The following CASK variants were observed in gnomAD, a reference collection of about 807,000 sequenced individuals.
The protein encoded by CASK is calcium/calmodulin dependent serine protein kinase.
In CASK, 4 loss-of-function variants were observed where a neutral mutation model predicts 82.9. The observed-to-expected ratio is 0.05, with a 90% confidence interval of 0.02 to 0.11. The LOEUF is 0.11. Among genes scored for constraint, CASK ranks in the 10% least tolerant of loss-of-function variants. CASK has a pLI of 1.00. For missense variants in CASK, 358 were observed against 720.9 expected (o/e 0.50, Z 5.76); for synonymous variants, 259 against 253.5 (o/e 1.02, Z -0.20).
chrX:41,738,165 G>A (rs1035583495), intron 5 of CASK, among the ~76,000 whole-genome samples: 1 of 112,368 alleles, frequency 8.9e-6, no homozygotes, highest in Admixed American at 9.4e-5. Flanking sequence ...AGTAGAGATG[G>A]GGTTTCACCA....
At chrX:41,746,118 T>C (rs1237945020) in intron 3 of CASK, among the ~76,000 whole-genome samples, 2 of 111,860 alleles carry the variant, frequency 1.8e-5, no homozygotes, top group African/African-American at 6.5e-5. Context: ...GCTACAAACA[T>C]ATTGTAACAC....
intron 2 of CASK, among the ~76,000 whole-genome samples, chrX:41,811,061 G>A (rs1271412244): frequency 9.0e-6 from 1 of 111,525 alleles, no homozygotes; most frequent in African/African-American, 3.3e-5. Flanking sequence ...ACCCAATACA[G>A]GAGCACCCAG....
chrX:41,650,458 GT>G (rs559252609), intron 8 of CASK, among the ~76,000 whole-genome samples: 1 of 102,627 alleles, frequency 9.7e-6, no homozygotes, highest in Admixed American at 1.0e-4. Context: ...GTTTTTTTTT[GT>G]TTTTTTTTGT....
intron 5 of CASK, among the ~76,000 whole-genome samples, chrX:41,713,969 G>C (rs1010231132): frequency 1.8e-5 from 2 of 111,596 alleles, no homozygotes; most frequent in African/African-American, 6.5e-5. Flanking sequence ...GAGAGGAAGA[G>C]ATTACAATGA....
chrX:41,717,521 T>C (rs2068083268), intron 5 of CASK, among the ~76,000 whole-genome samples: 1 of 111,879 alleles, frequency 8.9e-6, no homozygotes, highest in South Asian at 3.7e-4. Context: ...AAATGGGTTA[T>C]GAAATGAAAG....
At chrX:41,800,829 T>C (rs906314672) in intron 2 of CASK, among the ~76,000 whole-genome samples, 2 of 111,585 alleles carry the variant, frequency 1.8e-5, no homozygotes, top group African/African-American at 3.3e-5. Flanking sequence ...CCAATTTTAA[T>C]TGGATCAGAC....
intron 5 of CASK, among the ~76,000 whole-genome samples, chrX:41,682,055 T>TAAAAA (rs35914567): frequency 7.4e-5 from 5 of 67,777 alleles, no homozygotes; most frequent in African/African-American, 1.2e-4. Context: ...AGGACCATTG[T>TAAAAA]AAAAAAAAAA....
intron 19 of CASK, 55 bp downstream of exon 19, chrX:41,556,977 C>T: frequency 1.1e-6 from 1 of 925,264 alleles, no homozygotes; most frequent in Non-Finnish European, 1.6e-6. Flanking sequence ...ACACTCATGG[C>T]AGGTGAGCAC....
At chrX:41,885,066 A>G (rs1404938681) in intron 1 of CASK, among the ~76,000 whole-genome samples, 1 of 112,077 alleles carries the variant, frequency 8.9e-6, no homozygotes, top group Non-Finnish European at 1.9e-5. Flanking sequence ...AATCTGTAAA[A>G]AGCTATATTA....
In CASK at chrX:41,538,980, C is replaced by G. The variant is rs908289805; in HGVS notation, c.2155+3711G>C. ...TCCATTCAAAGGCCATATTAACCACCCAGAGTTACTAAAAGAGAAAGTGGA... is the reference window on the plus strand; with the variant it reads ...TCCATTCAAAGGCCATATTAACCACGCAGAGTTACTAAAAGAGAAAGTGGA... On this transcript the variant is annotated intron_variant, in intron 22 of 26. Coordinates refer to ENST00000378163, the MANE Select transcript of CASK (RefSeq NM_001367721.1). Among the ~76,000 whole-genome samples, 3 of 111,444 alleles carry G rather than the reference C, an allele frequency of 2.7e-5. No homozygotes were observed. The Admixed American group carries it at 2.9e-4, about 11-fold the overall frequency.
At chrX:41,639,131 T>C (rs776689955) in intron 8 of CASK, among the ~76,000 whole-genome samples, 10 of 104,511 alleles carry the variant, frequency 9.6e-5, no homozygotes, top group African/African-American at 1.7e-4. Flanking sequence ...TGGAATGCAG[T>C]GGCGCAATCT....
At chrX:41,764,451 A>T (rs2069070720) in intron 3 of CASK, among the ~76,000 whole-genome samples, 1 of 111,284 alleles carries the variant, frequency 9.0e-6, no homozygotes, top group Non-Finnish European at 1.9e-5. Context: ...TAATCCACAT[A>T]TCTAACTTCC....
chrX:41,829,694 A>AAGAT (rs2070746542), intron 2 of CASK, among the ~76,000 whole-genome samples: 2 of 21,755 alleles, frequency 9.2e-5, no homozygotes, highest in African/African-American at 1.8e-4. Flanking sequence ...GCTAGGTCAC[A>AAGAT]AGATATATAT....
At chrX:41,868,342 T>C (rs1382915404) in intron 1 of CASK, among the ~76,000 whole-genome samples, 1 of 112,099 alleles carries the variant, frequency 8.9e-6, no homozygotes, top group Non-Finnish European at 1.9e-5. Flanking sequence ...TTAACATGAA[T>C]TTTTTTAGGC....
At chrX:41,897,443 ATCT>A (rs1193363945) in intron 1 of CASK, among the ~76,000 whole-genome samples, 1 of 111,815 alleles carries the variant, frequency 8.9e-6, no homozygotes, top group Non-Finnish European at 1.9e-5. Context: ...CCAGGGATAA[ATCT>A]TCTTTGATCA....
At chrX:41,782,559 C>T (rs1173803926) in intron 3 of CASK, among the ~76,000 whole-genome samples, 2 of 112,113 alleles carry the variant, frequency 1.8e-5, no homozygotes, top group Admixed American at 9.5e-5. Flanking sequence ...CACTTCACCA[C>T]TTACAAAGGG....
At position 41,808,979 on chromosome X, in the gene CASK, G is replaced by A. The variant is rs760380123; in HGVS notation, c.173-21696C>T. Among the ~76,000 whole-genome samples, 5 of 112,685 alleles carry A rather than the reference G, an allele frequency of 4.4e-5. No individual in the cohort carries two copies. The South Asian group carries it at 1.8e-3, about 41-fold the overall frequency. ...GCTCAGAGGGTCCCACACCCACGGA[G>A]CCTCACTCCTTGCTAGCACAGCAGT... On this transcript the variant is annotated intron_variant, in intron 2 of 26. Coordinates refer to ENST00000378163, the MANE Select transcript of CASK (RefSeq NM_001367721.1).
intron 14 of CASK, among the ~76,000 whole-genome samples, chrX:41,583,731 G>A (rs772282198): frequency 9.1e-6 from 1 of 109,611 alleles, no homozygotes; most frequent in East Asian, 2.9e-4. Context: ...ATAAGCGTGA[G>A]CCACAGTTCC....
chrX:41,530,975 G>A lies in CASK; in HGVS notation c.2520+32C>T, dbSNP rs747425934. 95 of 1,146,639 alleles carry A rather than the reference G, an allele frequency of 8.3e-5. No homozygotes were observed. The South Asian group carries it at 1.6e-3, about 19-fold the overall frequency. The allele number at this position is 1,146,639 out of a possible 1,213,427, so 94.5% of individuals were successfully genotyped here. The stretch of plus-strand genomic sequence containing the variant: ...TCTGTGCTTATTGGCATGCAGGCAG[G>A]ATGTCAGACATTCGGGGAGGCTGGG... On this transcript the variant is annotated intron_variant, in intron 25 of 26. Transcript: ENST00000378163.
Sources: allele counts gnomAD v4.1 joint callset (sites outside exome capture counted in the v4.1 genomes callset), GRCh38; gene constraint gnomAD v4.1.1; transcripts MANE v1.5; gene names NCBI Gene and HGNC (gene_info 2026-07-23, HGNC 2026-07-21).